The following SLC14A2 variants were observed in gnomAD, a reference collection of about 807,000 sequenced individuals.
SLC14A2 encodes the protein solute carrier family 14 member 2, also known as urea transporter 2.
In SLC14A2, 91 loss-of-function variants were observed where a neutral mutation model predicts 104.6. The ratio of observed to expected loss-of-function variants is 0.87; its 90% confidence interval spans 0.73 to 1.04. The LOEUF (loss-of-function observed/expected upper bound fraction) is 1.04, where lower values mean the gene tolerates loss of function less well. Ranked by LOEUF, SLC14A2 falls within the 50% of genes least tolerant of loss-of-function variation. The pLI is 0.00. For missense variants in SLC14A2, 1,189 were observed against 1,156.0 expected (o/e 1.03, Z -0.41); for synonymous variants, 476 against 466.4 (o/e 1.02, Z -0.27).
intron 1 of SLC14A2, among the ~76,000 whole-genome samples, chr18:45,467,431 C>A (rs2087165134): frequency 6.6e-6 from 1 of 152,130 alleles, no homozygotes; most frequent in African/African-American, 2.4e-5. Context: ...GTTTAATAGC[C>A]AGAGAGGAAA....
intron 1 of SLC14A2, among the ~76,000 whole-genome samples, chr18:45,421,309 A>G (rs2086345388): frequency 6.6e-6 from 1 of 151,590 alleles, no homozygotes; most frequent in African/African-American, 2.4e-5. Flanking sequence ...AAAGCAATCA[A>G]CTTGTTTTTT....
chr18:45,432,141 C>T (rs1372798607), intron 1 of SLC14A2, among the ~76,000 whole-genome samples: 1 of 152,102 alleles, frequency 6.6e-6, no homozygotes, highest in Non-Finnish European at 1.5e-5. Context: ...CAGCCATTAA[C>T]CTCCTACTAT....
intron 1 of SLC14A2, among the ~76,000 whole-genome samples, chr18:45,309,354 G>A (rs541793585): frequency 6.7e-6 from 1 of 149,432 alleles, no homozygotes; most frequent in East Asian, 2.0e-4. Context: ...TTTTCTGAAA[G>A]GGTCTTTCTC....
chr18:45,518,607 G>A (rs956170744), intron 2 of SLC14A2, among the ~76,000 whole-genome samples: 13 of 152,306 alleles, frequency 8.5e-5, no homozygotes, highest in Admixed American at 2.0e-4. Flanking sequence ...GCCTGGGGTC[G>A]CTGGAAAAGC....
intron 1 of SLC14A2, among the ~76,000 whole-genome samples, chr18:45,367,745 T>TTTG (rs139963661): frequency 0.014 from 2,155 of 151,946 alleles, 54 homozygotes; most frequent in African/African-American, 0.049. Context: ...AAATCAAATT[T>TTTG]TTGTTGTTGT....
chr18:45,562,655 G>A (rs1363230387), intron 2 of SLC14A2, among the ~76,000 whole-genome samples: 3 of 152,130 alleles, frequency 2.0e-5, no homozygotes, highest in East Asian at 3.9e-4. Context: ...AGCCGGCCTG[G>A]GTGGTATTTT....
intron 1 of SLC14A2, among the ~76,000 whole-genome samples, chr18:45,251,414 A>G (rs550014359): frequency 6.6e-6 from 1 of 152,318 alleles, no homozygotes; most frequent in African/African-American, 2.4e-5. Context: ...GAGAGGCCCA[A>G]ACTACCCTCT....
intron 15 of SLC14A2, among the ~76,000 whole-genome samples, 178 bp from the exon 16 acceptor site, chr18:45,669,128 G>A (rs1404925098): frequency 6.6e-6 from 1 of 152,236 alleles, no homozygotes; most frequent in East Asian, 1.9e-4. Context: ...GCCCCACCCT[G>A]TCACTGTGCA....
intron 1 of SLC14A2, among the ~76,000 whole-genome samples, chr18:45,371,449 AC>A (rs1476579913): frequency 2.6e-5 from 4 of 152,212 alleles, no homozygotes; most frequent in African/African-American, 4.8e-5. Flanking sequence ...GAACCCTAAC[AC>A]CATACTAAAC....
At position 45,508,398 on chromosome 18, in the gene SLC14A2, C is replaced by T. The variant is rs962140113; in HGVS notation, c.-35+25076C>T. On this transcript the variant is annotated intron_variant, in intron 2 of 20. Transcript: ENST00000586448. The stretch of plus-strand genomic sequence containing the variant: ...TGTTCTTGTGATAGTGAATAAGTCT[C>T]ATGAGATCTGATGATTTTAAAAAGG... Among the ~76,000 whole-genome samples, 4 of 152,176 alleles carry T rather than the reference C, an allele frequency of 2.6e-5. No homozygotes were observed. In the East Asian group the frequency reaches 7.7e-4, roughly 29 times the overall value.
Position 45,397,197 on chromosome 18 carries a change from G to C in SLC14A2, c.-124-86036G>C, listed in dbSNP as rs184292364. Among the ~76,000 whole-genome samples the C allele has an allele frequency of 4.5e-3, 679 of 152,284 alleles. 2 individuals are homozygous for C. Among genetic ancestry groups the C allele is most frequent in the Non-Finnish European group, 7.1e-3 (481 of 68,012 alleles). On this transcript the variant is annotated intron_variant, in intron 1 of 20. Transcript: ENST00000586448. ...ATATACCCAGTAGTGAGATTGCTGG[G>C]TTGAATGGTAGTTCTGCTTGTAGCT...
At position 45,635,638 on chromosome 18, in the gene SLC14A2, A is replaced by G. The variant is rs145129386; in HGVS notation, c.651-1352A>G. On this transcript the variant is annotated intron_variant, in intron 5 of 19. Transcript: ENST00000255226. ...GACTAGGAAGAGAAAGATTGGGGAT[A>G]GCACAGAAAGCCAACCATTTCGAGG... 1.8e-3 allele frequency among the ~76,000 whole-genome samples: 272 copies of G among 152,334 alleles called. 3 individuals are homozygous for G. The highest frequency in any genetic ancestry group is 6.1e-3 in the African/African-American group (254 of 41,574).
In SLC14A2 at chr18:45,632,449, G is replaced by A. The variant is rs1193222539; in HGVS notation, c.621G>A (p.Leu207=). Residue 207 remains leucine, a synonymous_variant, in exon 5 of 20, where the codon CTG becomes CTA. Transcript: ENST00000255226. ...AGTTAGACTACTACTGGTGGCTTCT[G>A]TTTCCTGTGACCTTCACAGCCATGT... ...SEKLDYYWWL[L]FPVTFTAMSC... 6 of 1,613,898 alleles carry A rather than the reference G, an allele frequency of 3.7e-6. No homozygotes were observed. The Admixed American group carries it at 5.0e-5, about 13-fold the overall frequency.
At chr18:45,323,374 T>C (rs2085203745) in intron 1 of SLC14A2, among the ~76,000 whole-genome samples, 4 of 152,222 alleles carry the variant, frequency 2.6e-5, no homozygotes, top group Admixed American at 2.6e-4. Context: ...CATCATTCTT[T>C]AGAGTCTTTC....
intron 2 of SLC14A2, among the ~76,000 whole-genome samples, chr18:45,605,180 A>G (rs887677782): frequency 4.6e-5 from 7 of 152,192 alleles, no homozygotes; most frequent in Non-Finnish European, 1.0e-4. Flanking sequence ...GTAGACAAGG[A>G]CCACATGTGA....
the SLC14A2 span, among the ~76,000 whole-genome samples, chr18:45,168,385 C>T: frequency 6.6e-6 from 1 of 152,160 alleles, no homozygotes; most frequent in South Asian, 2.1e-4. Context: ...TGAATTTTGG[C>T]TGAACCTCAT....
At chr18:45,364,399 G>A (rs558228211) in intron 1 of SLC14A2, among the ~76,000 whole-genome samples, 37 of 152,292 alleles carry the variant, frequency 2.4e-4, no homozygotes, top group Non-Finnish European at 4.0e-4. Flanking sequence ...CTGATGGTTG[G>A]TTGGTTTACT....
intron 2 of SLC14A2, among the ~76,000 whole-genome samples, chr18:45,522,165 G>A (rs2043526511): frequency 6.6e-6 from 1 of 152,216 alleles, no homozygotes; most frequent in Non-Finnish European, 1.5e-5. Context: ...ATTTCAAATG[G>A]GAGCATGCAT....
chr18:45,309,412 A>G (rs2085055854), intron 1 of SLC14A2, among the ~76,000 whole-genome samples: 1 of 151,684 alleles, frequency 6.6e-6, no homozygotes, highest in East Asian at 1.9e-4. Flanking sequence ...ACAGCCTCCA[A>G]TTCCTGGGCT....
Sources: allele counts gnomAD v4.1 joint callset (sites outside exome capture counted in the v4.1 genomes callset), GRCh38; gene constraint gnomAD v4.1.1; transcripts MANE v1.5; gene names NCBI Gene and HGNC (gene_info 2026-07-23, HGNC 2026-07-21).